Variants in PRR19 observed in about 807,000 individuals in gnomAD.
The protein encoded by PRR19 is proline rich 19, also known as proline-rich protein 19.
PRR19 carries 9 observed loss-of-function variants against 19.2 expected under a neutral mutation model. The observed-to-expected ratio is 0.47, with a 90% confidence interval of 0.28 to 0.82. The LOEUF is 0.82. PRR19 is among the 40% of genes least tolerant of loss of function. The pLI is 0.11. For missense variants in PRR19, 457 were observed against 466.0 expected, an observed-to-expected ratio of 0.98 and a Z score of 0.18; for synonymous variants, 190 against 191.0, an observed-to-expected ratio of 0.99 and a Z score of 0.04.
At chr19:42,305,277 A>G (rs2038695656) in intron 1 of PRR19, among the ~76,000 whole-genome samples, 1 of 151,952 alleles carries the variant, frequency 6.6e-6, no homozygotes, top group African/African-American at 2.4e-5. Context: ...CAGTGATATA[A>G]GAGAGAATTT....
intron 1 of PRR19, among the ~76,000 whole-genome samples, chr19:42,307,747 CTTTTTTTTTTTTTT>C (rs759101368): frequency 3.6e-5 from 3 of 83,578 alleles, no homozygotes; most frequent in Admixed American, 1.4e-4. Context: ...CACCCTCCAT[CTTTTTTTTTTTTTT>C]TTTTTTTTTT....
chr19:42,305,939 T>G (rs2038702049), intron 1 of PRR19, among the ~76,000 whole-genome samples: 1 of 152,022 alleles, frequency 6.6e-6, no homozygotes, highest in African/African-American at 2.4e-5. Flanking sequence ...TGGTGTGATC[T>G]CGGCTCACTG....
In PRR19 at chr19:42,310,562, C is replaced by T. The variant is rs755219426; in HGVS notation, c.893C>T (p.Pro298Leu). ...TGGCTGGTAGCCACGCCACCCCCTCCTCGGCCCTGGGGGGTTGGCCTCCCT... is the reference window on the plus strand; with the variant it reads ...TGGCTGGTAGCCACGCCACCCCCTCTTCGGCCCTGGGGGGTTGGCCTCCCT... The part of the protein sequence containing the change: ...SIWLVATPPP[P>L]RPWGVGLPQP... The change falls in exon 3 of 3, where the codon CCT (proline) becomes CTT (leucine). Residue 298 changes from proline to leucine, a missense_variant. By Grantham distance (98) the Pro-to-Leu change is moderately conservative. Coordinates refer to ENST00000341747, the MANE Select transcript of PRR19 (RefSeq NM_199285.3). The T allele has an allele frequency of 1.2e-6, 2 of 1,614,182 alleles. No homozygotes were observed. Among genetic ancestry groups the T allele is most frequent in the South Asian group, 2.2e-5 (2 of 91,088 alleles).
rs2038760401 is a variant in PRR19, at chr19:42,309,674, C to G, written c.90C>G (p.Asn30Lys). Residue 30 changes from asparagine (N) to lysine (K), a missense_variant, in exon 2 of 3, where the codon AAC becomes AAG. Coordinates refer to ENST00000341747, the MANE Select transcript of PRR19 (RefSeq NM_199285.3). ...GTCGGAAGACTAGGCGGGAACGTAA[C>G]AAGGCCCTGGTGGGCAGCCGCCGGC... ...VRRRKTRRERNKALVGSRRPL... is the reference protein window; with the variant it reads ...VRRRKTRRERKKALVGSRRPL... 6.3e-7 allele frequency: 1 copy of G among 1,598,648 alleles called. No homozygotes were observed. The highest frequency in any genetic ancestry group is 1.7e-5 in the Admixed American group (1 of 58,652).
At chr19:42,305,032 A>G (rs1345676745) in intron 1 of PRR19, among the ~76,000 whole-genome samples, 1 of 151,024 alleles carries the variant, frequency 6.6e-6, no homozygotes, top group East Asian at 2.0e-4. Flanking sequence ...ACATAGCAAA[A>G]CCCCATCTCT....
rs746255034 is a variant in PRR19 at position 42,309,753 on chromosome 19, A to G, written c.169A>G (p.Thr57Ala). Reference protein sequence around the residue: ...VAIRDPPVVPTASKLVVITQG... With the variant: ...VAIRDPPVVPAASKLVVITQG... ...CATTCGGGATCCACCTGTGGTCCCT[A>G]CTGCCTCCAAGCTCGTGGTCATAAC... The change falls in exon 2 of 3, where the codon ACT (threonine) becomes GCT (alanine). Residue 57 changes from threonine to alanine, a missense_variant. Physicochemically the swap from Thr to Ala is moderately conservative, Grantham distance 58. Coordinates refer to ENST00000341747, the MANE Select transcript of PRR19 (RefSeq NM_199285.3). The G allele has an allele frequency of 6.2e-7, 1 of 1,609,756 alleles. No individual in the cohort carries two copies. The highest frequency in any genetic ancestry group is 8.5e-7 in the Non-Finnish European group (1 of 1,176,790).
At chr19:42,309,277 T>A in intron 1 of PRR19, 1 of 200,742 alleles carries the variant, frequency 5.0e-6, no homozygotes, top group East Asian at 1.2e-4. Context: ...TTTCACTATG[T>A]TGGCCAGGCT....
chr19:42,307,611 T>G (rs1012734434), intron 1 of PRR19, among the ~76,000 whole-genome samples: 7 of 151,862 alleles, frequency 4.6e-5, no homozygotes, highest in Non-Finnish European at 8.8e-5. Context: ...AATTTTTGTA[T>G]TTTTAGTAGA....
At position 42,307,424 on chromosome 19, in the gene PRR19, T is replaced by TTTGTTG. The variant is rs139388795; in HGVS notation, c.-6-2130_-6-2125dup. Reference sequence around the variant, plus strand: ...ATGACCCCTTCACCACCCTCCATCTTTTGTTGTTGTTGTTGTTGTTGTTGT... The same window carrying TTTGTTG: ...ATGACCCCTTCACCACCCTCCATCTTTTGTTGTTGTTGTTGTTGTTGTTGTTGTTGT... On this transcript the variant is annotated intron_variant, in intron 1 of 2. Transcript: ENST00000341747. Among the ~76,000 whole-genome samples, 218 of 150,948 alleles carry TTTGTTG rather than the reference T, an allele frequency of 1.4e-3. 2 individuals are homozygous for TTTGTTG. Among genetic ancestry groups the TTTGTTG allele is most frequent in the Non-Finnish European group, 2.4e-3 (163 of 67,728 alleles).
Position 42,309,882 on chromosome 19 carries a change from C to T in PRR19, c.298C>T (p.Pro100Ser). The T allele has an allele frequency of 6.2e-7, 1 of 1,613,938 alleles. No individual in the cohort carries two copies. ...CAGTGGGACCCTGGTGCCAGGCAGC[C>T]CCACACTCCCCGCCAAGCCCTCCCC... ...LSSGTLVPGS[P>S]TLPAKPSPSP... The change falls in exon 2 of 3, where the codon CCC (proline) becomes TCC (serine). Residue 100 changes from proline (P) to serine (S), a missense_variant. Transcript: ENST00000341747.
intron 1 of PRR19, among the ~76,000 whole-genome samples, chr19:42,303,005 C>G (rs559928537): frequency 6.6e-6 from 1 of 151,742 alleles, no homozygotes; most frequent in Non-Finnish European, 1.5e-5. Flanking sequence ...ACTCTAAGGC[C>G]GCGCCAGGGC....
At position 42,309,657 on chromosome 19, in the gene PRR19, A is replaced by G; in HGVS notation, c.73A>G (p.Thr25Ala). 1 of 1,585,040 alleles carries G rather than the reference A, an allele frequency of 6.3e-7. No individual in the cohort carries two copies. Among genetic ancestry groups the G allele is most frequent in the Non-Finnish European group, 8.6e-7 (1 of 1,162,776 alleles). Residue 25 changes from threonine to alanine, a missense_variant, in exon 2 of 3, where the codon ACT (threonine) becomes GCT (alanine). Coordinates refer to ENST00000341747, the MANE Select transcript of PRR19 (RefSeq NM_199285.3). Reference protein sequence around the residue: ...EKPGRVRRRKTRRERNKALVG... With the variant: ...EKPGRVRRRKARRERNKALVG... ...ACCTGGTCGTGTCCGTCGTCGGAAGACTAGGCGGGAACGTAACAAGGCCCT... is the reference window on the plus strand; with the variant it reads ...ACCTGGTCGTGTCCGTCGTCGGAAGGCTAGGCGGGAACGTAACAAGGCCCT...
chr19:42,302,634 C>A, intron 1 of PRR19, 131 bp downstream of exon 1: 1 of 346,784 alleles, frequency 2.9e-6, no homozygotes, highest in Non-Finnish European at 5.4e-6. Context: ...GAGGCGAGAC[C>A]ATCCAGCTCC....
intron 1 of PRR19, among the ~76,000 whole-genome samples, chr19:42,308,390 CTTTTTTTTTTTTTT>C (rs774768445): frequency 2.5e-5 from 3 of 119,316 alleles, no homozygotes; most frequent in Admixed American, 8.8e-5. Context: ...CCGAATCCAG[CTTTTTTTTTTTTTT>C]TTTTTTTTTT....
intron 1 of PRR19, among the ~76,000 whole-genome samples, chr19:42,308,390 CTTTTTTTTTT>C (rs774768445): frequency 1.7e-5 from 2 of 119,316 alleles, no homozygotes; most frequent in Non-Finnish European, 3.5e-5. Flanking sequence ...CCGAATCCAG[CTTTTTTTTTT>C]TTTTTTTTTT....
chr19:42,306,660 T>C (rs2038709742), intron 1 of PRR19, among the ~76,000 whole-genome samples: 1 of 152,150 alleles, frequency 6.6e-6, no homozygotes, highest in Non-Finnish European at 1.5e-5. Flanking sequence ...CAGCTGTGCA[T>C]GGGGGCTACC....
chr19:42,306,728 T>G (rs1327993703), intron 1 of PRR19, among the ~76,000 whole-genome samples: 1 of 152,172 alleles, frequency 6.6e-6, no homozygotes, highest in East Asian at 1.9e-4. Context: ...AGACCGCTGA[T>G]AGCTATCTGA....
In PRR19 at chr19:42,309,624, C is replaced by A. The variant is rs2038758993; in HGVS notation, c.40C>A (p.Pro14Thr). The A allele has an allele frequency of 2.6e-6, 4 of 1,541,486 alleles. No homozygotes were observed. Among genetic ancestry groups the A allele is most frequent in the South Asian group, 1.2e-5 (1 of 80,946 alleles). ...QGPVSQPFQQ[P>T]EKPGRVRRRK... ...ACCAGTCTCCCAGCCTTTTCAGCAG[C>A]CTGAGAAACCTGGTCGTGTCCGTCG... Residue 14 changes from proline to threonine, a missense_variant, in exon 2 of 3, where the codon CCT becomes ACT. Transcript: ENST00000341747.
chr19:42,309,640 G>T lies in PRR19; in HGVS notation c.56G>T (p.Arg19Leu). The T allele has an allele frequency of 1.3e-6, 2 of 1,557,856 alleles. No homozygotes were observed. Among genetic ancestry groups the T allele is most frequent in the Non-Finnish European group, 1.7e-6 (2 of 1,147,998 alleles). The change falls in exon 2 of 3, where the codon CGT (arginine) becomes CTT (leucine). Residue 19 changes from arginine to leucine, a missense_variant. Transcript: ENST00000341747. The part of the protein sequence containing the change: ...QPFQQPEKPG[R>L]VRRRKTRRER... ...TTTCAGCAGCCTGAGAAACCTGGTCGTGTCCGTCGTCGGAAGACTAGGCGG... is the reference window on the plus strand; with the variant it reads ...TTTCAGCAGCCTGAGAAACCTGGTCTTGTCCGTCGTCGGAAGACTAGGCGG...
Sources: gnomAD v4.1 joint callset for allele counts (sites outside exome capture counted in the v4.1 genomes callset) on GRCh38, gnomAD v4.1.1 for gene constraint, MANE v1.5 for transcripts, NCBI Gene and HGNC (gene_info 2026-07-23, HGNC 2026-07-21) for gene names.